LRRC4C: variants seen among roughly 807,000 people sequenced by gnomAD.
The protein encoded by LRRC4C is leucine rich repeat containing 4C.
Under a neutral mutation model 33.6 loss-of-function variants are expected in LRRC4C, and 5 were observed. The ratio of observed to expected loss-of-function variants is 0.15; its 90% CI spans 0.08 to 0.31. LRRC4C has a LOEUF of 0.31. Among genes scored for constraint, LRRC4C ranks in the 10% least tolerant of loss-of-function variants. The pLI, the probability that LRRC4C is intolerant of heterozygous loss-of-function variation, is 1.00. For synonymous variants in LRRC4C, 329 were observed against 302.0 expected (o/e 1.09, Z -0.93); for missense variants, 560 against 796.7 (o/e 0.70, Z 3.58).
intron 2 of LRRC4C, among the ~76,000 whole-genome samples, chr11:40,714,209 C>T (rs1946602308): frequency 6.6e-6 from 1 of 152,164 alleles, no homozygotes; most frequent in Non-Finnish European, 1.5e-5. Flanking sequence ...TTCATTTCAA[C>T]AACATAGAGT....
At chr11:40,341,357 T>C (rs1166068709) in intron 3 of LRRC4C, among the ~76,000 whole-genome samples, 4 of 152,208 alleles carry the variant, frequency 2.6e-5, no homozygotes, top group Admixed American at 2.6e-4. Flanking sequence ...AAGTCTTTGC[T>C]GTTGTGAATA....
chr11:40,496,266 AT>A (rs34004928), intron 3 of LRRC4C, among the ~76,000 whole-genome samples: 48,020 of 152,006 alleles, frequency 0.32, 8,836 homozygotes, highest in East Asian at 0.57. Context: ...CATAATCTCT[AT>A]TAGTTGTCTT....
chr11:40,567,451 T>A (rs1404808133), intron 3 of LRRC4C, among the ~76,000 whole-genome samples: 2 of 152,212 alleles, frequency 1.3e-5, no homozygotes, highest in Non-Finnish European at 2.9e-5. Context: ...CAGTTTGACG[T>A]AATTATAATT....
chr11:40,507,576 A>G (rs1482233381), intron 3 of LRRC4C, among the ~76,000 whole-genome samples: 3 of 152,152 alleles, frequency 2.0e-5, no homozygotes, highest in African/African-American at 4.8e-5. Context: ...TAGCATTACC[A>G]TATGTGTGAA....
At chr11:40,456,216 T>C (rs547701367) in intron 3 of LRRC4C, among the ~76,000 whole-genome samples, 2 of 152,190 alleles carry the variant, frequency 1.3e-5, no homozygotes, top group East Asian at 3.9e-4. Context: ...TTTGAGAAAT[T>C]TGAGAAAAAG....
intron 3 of LRRC4C, among the ~76,000 whole-genome samples, chr11:40,349,451 T>A (rs12804897): frequency 0.29 from 44,373 of 151,838 alleles, 6,897 homozygotes; most frequent in East Asian, 0.5. Flanking sequence ...ATGTACCACA[T>A]TTTCCTTATC....
intron 3 of LRRC4C, among the ~76,000 whole-genome samples, chr11:40,561,606 G>C (rs940742612): frequency 6.6e-6 from 1 of 151,718 alleles, no homozygotes; most frequent in East Asian, 1.9e-4. Context: ...TAGAGACGGG[G>C]TTTCGTCGTG....
intron 1 of LRRC4C, among the ~76,000 whole-genome samples, chr11:41,345,089 A>G (rs1418939126): frequency 6.6e-6 from 1 of 152,210 alleles, no homozygotes; most frequent in Non-Finnish European, 1.5e-5. Context: ...GCCACTGGAC[A>G]ATAGTTATGA....
At chr11:40,891,962 C>T (rs1396907232) in intron 2 of LRRC4C, among the ~76,000 whole-genome samples, 3 of 151,546 alleles carry the variant, frequency 2.0e-5, no homozygotes, top group African/African-American at 4.8e-5. Flanking sequence ...GGTGAAACCC[C>T]GTCTCTACTA....
At chr11:41,286,372 C>A (rs990878962) in intron 1 of LRRC4C, among the ~76,000 whole-genome samples, 1 of 152,080 alleles carries the variant, frequency 6.6e-6, no homozygotes, top group East Asian at 1.9e-4. Flanking sequence ...ACAAACGATA[C>A]TTTCTAATGG....
chr11:40,471,442 G>T lies in LRRC4C; in HGVS notation c.-269-151721C>A, dbSNP rs543574487. 5.3e-4 allele frequency among the ~76,000 whole-genome samples: 81 copies of T among 152,230 alleles called. 2 individuals carry two copies. In the South Asian group the frequency reaches 0.017, roughly 31 times the overall value. ...AGCCACTGCAAAAACATACCAAATT[G>T]TAAAGGCCATTGACACTATGAAGAA... On this transcript the variant is annotated intron_variant, in intron 3 of 6. Coordinates refer to ENST00000528697, the MANE Select transcript of LRRC4C (RefSeq NM_001258419.2).
chr11:40,901,999 TACACACACACACA>T (rs1477873797), intron 2 of LRRC4C, among the ~76,000 whole-genome samples: 96 of 139,844 alleles, frequency 6.9e-4, no homozygotes, highest in African/African-American at 2.2e-3. Context: ...TCTCTCTCTC[TACACACACACACA>T]CACACACACA....
intron 2 of LRRC4C, among the ~76,000 whole-genome samples, chr11:40,867,325 C>A (rs1157492059): frequency 6.6e-6 from 1 of 152,178 alleles, no homozygotes; most frequent in Non-Finnish European, 1.5e-5. Context: ...TTCAATAGCT[C>A]ACTAGTCCTG....
chr11:40,489,063 G>A (rs1187479835), intron 3 of LRRC4C, among the ~76,000 whole-genome samples: 1 of 151,908 alleles, frequency 6.6e-6, no homozygotes, highest in African/African-American at 2.4e-5. Flanking sequence ...CTTCTCTATC[G>A]GGCTTGTCCT....
intron 1 of LRRC4C, among the ~76,000 whole-genome samples, chr11:41,384,876 T>C (rs1439286200): frequency 1.3e-5 from 2 of 149,208 alleles, no homozygotes; most frequent in Non-Finnish European, 3.0e-5. Flanking sequence ...TATACTGAAC[T>C]ATACAAACTT....
chr11:40,224,692 T>C (rs920419680), intron 5 of LRRC4C, among the ~76,000 whole-genome samples: 3 of 152,212 alleles, frequency 2.0e-5, no homozygotes, highest in African/African-American at 7.2e-5. Context: ...TGAGATAACG[T>C]ATGTCAAATG....
At chr11:41,235,076 G>A (rs1947959780) in intron 1 of LRRC4C, among the ~76,000 whole-genome samples, 1 of 151,862 alleles carries the variant, frequency 6.6e-6, no homozygotes, top group Admixed American at 6.6e-5. Context: ...AAAAAAAAGA[G>A]GACTCCAAGG....
chr11:41,283,171 G>A (rs1949722896), intron 1 of LRRC4C, among the ~76,000 whole-genome samples: 1 of 152,124 alleles, frequency 6.6e-6, no homozygotes, highest in Non-Finnish European at 1.5e-5. Context: ...TATCATTACA[G>A]CAATGATATG....
At chr11:40,155,235 T>A (rs576912968) in intron 5 of LRRC4C, among the ~76,000 whole-genome samples, 9 of 152,132 alleles carry the variant, frequency 5.9e-5, no homozygotes, top group African/African-American at 2.2e-4. Context: ...TTTATGGCCC[T>A]AAATGCCCAC....
Sources: allele counts gnomAD v4.1 joint callset (sites outside exome capture counted in the v4.1 genomes callset), GRCh38; gene constraint gnomAD v4.1.1; transcripts MANE v1.5; gene names NCBI Gene and HGNC (gene_info 2026-07-23, HGNC 2026-07-21).